Variants in MGMT observed in about 807,000 individuals in gnomAD.
The protein encoded by MGMT is O-6-methylguanine-DNA methyltransferase.
A neutral mutation model predicts 15.9 loss-of-function variants in MGMT; 14 were observed. The observed-to-expected ratio is 0.88, with a 90% CI of 0.58 to 1.37. The LOEUF is 1.37. MGMT is among the 40% of genes most tolerant of loss of function. The pLI is 0.00. For synonymous variants in MGMT, 130 were observed against 118.2 expected (o/e 1.10, Z -0.65); for missense variants, 282 against 268.1 (o/e 1.05, Z -0.36).
chr10:129,684,028 G>A (rs1292576800), intron 2 of MGMT, among the ~76,000 whole-genome samples: 1 of 152,204 alleles, frequency 6.6e-6, no homozygotes, highest in Admixed American at 6.5e-5. Flanking sequence ...CATTACAGAT[G>A]CCTCGGCAGA....
chr10:129,572,069 A>T (rs997032163), intron 2 of MGMT, among the ~76,000 whole-genome samples: 4 of 152,194 alleles, frequency 2.6e-5, no homozygotes, highest in Admixed American at 2.0e-4. Flanking sequence ...TAGTCAGTGC[A>T]TCTGGGATTG....
intron 3 of MGMT, among the ~76,000 whole-genome samples, chr10:129,731,487 T>C (rs1848497299): frequency 6.7e-6 from 1 of 149,264 alleles, no homozygotes; most frequent in Non-Finnish European, 1.5e-5. Flanking sequence ...CTCAGCTTCA[T>C]ACACCCTGCA....
chr10:129,715,731 A>G (rs1169727261), intron 3 of MGMT: 1 of 152,236 alleles, frequency 6.6e-6, no homozygotes, highest in Non-Finnish European at 1.5e-5. Context: ...TCAATACGTT[A>G]AATGTGTAAA....
At chr10:129,629,845 T>G (rs933897139) in intron 2 of MGMT, among the ~76,000 whole-genome samples, 5 of 152,172 alleles carry the variant, frequency 3.3e-5, no homozygotes, top group Non-Finnish European at 7.3e-5. Context: ...TTTTCCGGAA[T>G]AACCCAACCC....
At chr10:129,580,720 C>T (rs1347141097) in intron 2 of MGMT, among the ~76,000 whole-genome samples, 1 of 152,240 alleles carries the variant, frequency 6.6e-6, no homozygotes, top group Non-Finnish European at 1.5e-5. Context: ...CGACCACAGA[C>T]ACCCCATGAT....
chr10:129,475,002 T>TGG (rs533961503), intron 1 of MGMT, among the ~76,000 whole-genome samples: 19 of 151,240 alleles, frequency 1.3e-4, no homozygotes, highest in Admixed American at 4.0e-4. Flanking sequence ...TGGCCTTTGT[T>TGG]GGGGGGGGTG....
intron 2 of MGMT, among the ~76,000 whole-genome samples, chr10:129,583,532 T>C (rs553166598): frequency 6.6e-6 from 1 of 152,182 alleles, no homozygotes; most frequent in Admixed American, 6.5e-5. Flanking sequence ...TTATCCCGGG[T>C]AGAAAGCCTG....
At chr10:129,498,447 C>A (rs945541464) in intron 1 of MGMT, among the ~76,000 whole-genome samples, 1 of 152,212 alleles carries the variant, frequency 6.6e-6, no homozygotes, top group Non-Finnish European at 1.5e-5. Flanking sequence ...CTTCCCTTTT[C>A]ATTTACCAAC....
At chr10:129,481,965 C>CT (rs1048127432) in intron 1 of MGMT, among the ~76,000 whole-genome samples, 3 of 152,056 alleles carry the variant, frequency 2.0e-5, no homozygotes, top group African/African-American at 7.2e-5. Context: ...AGTTTGCTTT[C>CT]TTTTTTGTAG....
intron 2 of MGMT, among the ~76,000 whole-genome samples, chr10:129,569,396 G>A (rs547601248): frequency 3.3e-5 from 5 of 152,238 alleles, no homozygotes; most frequent in East Asian, 1.9e-4. Flanking sequence ...CCTTGTCCTC[G>A]GGTTAGCTGC....
intron 2 of MGMT, among the ~76,000 whole-genome samples, chr10:129,558,234 A>G (rs1846237970): frequency 6.6e-6 from 1 of 152,232 alleles, no homozygotes; most frequent in Non-Finnish European, 1.5e-5. Context: ...CACCTTGATT[A>G]ATAGGCTGCT....
intron 1 of MGMT, among the ~76,000 whole-genome samples, chr10:129,499,817 C>T (rs1845557354): frequency 6.6e-6 from 1 of 152,308 alleles, no homozygotes; most frequent in Non-Finnish European, 1.5e-5. Flanking sequence ...TGCTTCATCA[C>T]GTTTTTACTC....
intron 2 of MGMT, among the ~76,000 whole-genome samples, chr10:129,698,317 T>A (rs1431564914): frequency 6.6e-6 from 1 of 152,210 alleles, no homozygotes; most frequent in Non-Finnish European, 1.5e-5. Flanking sequence ...TGTCCAGGCA[T>A]GCAGTGTTGA....
intron 2 of MGMT, among the ~76,000 whole-genome samples, chr10:129,686,252 G>A (rs1847903174): frequency 6.7e-6 from 1 of 149,992 alleles, no homozygotes; most frequent in African/African-American, 2.4e-5. Flanking sequence ...AATAAATTGA[G>A]TCAGGGGAAA....
intron 1 of MGMT, among the ~76,000 whole-genome samples, chr10:129,491,279 G>A (rs140990095): frequency 6.6e-5 from 10 of 152,038 alleles, no homozygotes; most frequent in Non-Finnish European, 1.2e-4. Flanking sequence ...ACATTCCATC[G>A]TCTTCTGGTT....
intron 2 of MGMT, among the ~76,000 whole-genome samples, chr10:129,688,064 A>G (rs973663808): frequency 1.3e-5 from 2 of 152,310 alleles, no homozygotes; most frequent in East Asian, 1.9e-4. Context: ...TCCATGGTGT[A>G]TATGTGCCAC....
intron 3 of MGMT, among the ~76,000 whole-genome samples, chr10:129,724,290 C>T (rs1045203665): frequency 3.3e-5 from 5 of 152,280 alleles, no homozygotes; most frequent in African/African-American, 1.2e-4. Flanking sequence ...CCGGACACAG[C>T]AAGAGCCTGC....
intron 2 of MGMT, among the ~76,000 whole-genome samples, chr10:129,699,983 A>G (rs916597305): frequency 5.9e-5 from 9 of 152,096 alleles, no homozygotes; most frequent in Non-Finnish European, 1.2e-4. Context: ...CATACCTGTC[A>G]TTGTTTGTTA....
chr10:129,652,287 C>A (rs1360274571), intron 2 of MGMT, among the ~76,000 whole-genome samples: 1 of 152,236 alleles, frequency 6.6e-6, no homozygotes, highest in Non-Finnish European at 1.5e-5. Flanking sequence ...TCCTCTGGCC[C>A]CAGCAGCCCC....
Sources: gnomAD v4.1 joint callset for allele counts (sites outside exome capture counted in the v4.1 genomes callset) on GRCh38, gnomAD v4.1.1 for gene constraint, MANE v1.5 for transcripts, NCBI Gene and HGNC (gene_info 2026-07-23, HGNC 2026-07-21) for gene names.